Variants in OSTN observed in about 807,000 individuals in gnomAD.
OSTN encodes osteocrin.
Under a neutral mutation model 12.0 loss-of-function variants are expected in OSTN, and 9 were observed. The ratio of observed to expected loss-of-function variants is 0.75; its 90% confidence interval spans 0.45 to 1.30. OSTN has a LOEUF of 1.30. OSTN is among the 50% of genes most tolerant of loss of function. The probability of loss-of-function intolerance (pLI) is 0.00; values close to 1 mark genes in which losing one functional copy is unlikely to be tolerated. For missense variants in OSTN, 148 were observed against 152.3 expected (o/e 0.97, Z 0.15); for synonymous variants, 59 against 56.9 (o/e 1.04, Z -0.16).
At chr3:191,216,657 A>C (rs968263805) in intron 2 of OSTN, among the ~76,000 whole-genome samples, 7 of 152,214 alleles carry the variant, frequency 4.6e-5, no homozygotes, top group Admixed American at 1.3e-4. Flanking sequence ...TCTCAAGTTC[A>C]AAGTTCCACA....
chr3:191,213,705 T>C (rs527837173), intron 2 of OSTN, among the ~76,000 whole-genome samples: 2 of 152,134 alleles, frequency 1.3e-5, no homozygotes, highest in South Asian at 4.2e-4. Context: ...TCTTTGTGTT[T>C]CTTAAATAGC....
chr3:191,202,608 G>T (rs1352044708), intron 1 of OSTN, among the ~76,000 whole-genome samples: 1 of 152,110 alleles, frequency 6.6e-6, no homozygotes, highest in African/African-American at 2.4e-5. Flanking sequence ...TTTTATATAA[G>T]TACAAAGTGG....
chr3:191,229,759 T>G (rs1715002435), intron 3 of OSTN: 1 of 152,036 alleles, frequency 6.6e-6, no homozygotes, highest in African/African-American at 2.4e-5. Flanking sequence ...AAAAGAGAAA[T>G]AATTACCATT....
chr3:191,241,610 T>C (rs1715324197), intron 3 of OSTN, among the ~76,000 whole-genome samples: 1 of 152,102 alleles, frequency 6.6e-6, no homozygotes, highest in African/African-American at 2.4e-5. Context: ...TTCTTGGAAC[T>C]CGAAACTATA....
Position 191,216,058 on chromosome 3 carries a change from A to G in OSTN, c.103-2689A>G, listed in dbSNP as rs12107199. Among the ~76,000 whole-genome samples the G allele has an allele frequency of 1.0e-2, 1,518 of 152,296 alleles. 28 individuals carry two copies. The highest frequency in any genetic ancestry group is 0.035 in the African/African-American group (1,453 of 41,544). ...TCTGCCTGTACATCCAGGTATTTCCATACATCCTCTGAAATCAAGGCAGAG... is the reference window on the plus strand; with the variant it reads ...TCTGCCTGTACATCCAGGTATTTCCGTACATCCTCTGAAATCAAGGCAGAG... On this transcript the variant is annotated intron_variant, in intron 2 of 4. Transcript: ENST00000682035.
intron 1 of OSTN, among the ~76,000 whole-genome samples, chr3:191,203,956 C>T (rs1243769799): frequency 1.3e-5 from 2 of 152,118 alleles, no homozygotes; most frequent in Non-Finnish European, 2.9e-5. Context: ...GGCGCAATCT[C>T]GGCTCACTGC....
chr3:191,230,557 C>T (rs1274209659), intron 3 of OSTN, among the ~76,000 whole-genome samples: 36 of 119,940 alleles, frequency 3.0e-4, no homozygotes, highest in African/African-American at 1.2e-3. Context: ...AGCAAGACTC[C>T]GTCTCAAAAA....
intron 3 of OSTN, among the ~76,000 whole-genome samples, chr3:191,236,324 G>A (rs1219514101): frequency 6.6e-6 from 1 of 152,068 alleles, no homozygotes; most frequent in Non-Finnish European, 1.5e-5. Flanking sequence ...TAAGAAGGAG[G>A]TATTGTTACC....
rs748422594 is a variant in OSTN at position 191,212,593 on chromosome 3, A to C, written c.61A>C (p.Ser21Arg). 6.3e-7 allele frequency: 1 copy of C among 1,590,920 alleles called. No homozygotes were observed. The highest frequency in any genetic ancestry group is 1.1e-5 in the South Asian group (1 of 87,426). Residue 21 changes from serine (S) to arginine (R), a missense_variant, in exon 2 of 5, where the codon AGC (serine) becomes CGC (arginine). Physicochemically the swap from Ser to Arg is moderately radical, Grantham distance 110. Coordinates refer to ENST00000682035, the MANE Select transcript of OSTN (RefSeq NM_198184.2). ...CCTGGCTGTGACACTGACACTGTGG[A>C]GCTCAGGAAAAGTCCTCTCAGTAGA... ...FILAVTLTLW[S>R]SGKVLSVDVT...
intron 1 of OSTN, among the ~76,000 whole-genome samples, chr3:191,209,664 T>A (rs1035126323): frequency 2.0e-5 from 3 of 152,256 alleles, no homozygotes; most frequent in Non-Finnish European, 4.4e-5. Flanking sequence ...ATTTTAAGTC[T>A]TAACTGACAT....
chr3:191,211,716 AT>A (rs1321683715), intron 1 of OSTN, among the ~76,000 whole-genome samples: 8 of 151,998 alleles, frequency 5.3e-5, no homozygotes, highest in Admixed American at 5.2e-4. Context: ...TTCTATTTTT[AT>A]TTGAATTAAA....
intron 3 of OSTN, among the ~76,000 whole-genome samples, chr3:191,221,289 CAG>C (rs1425926102): frequency 6.6e-6 from 1 of 152,038 alleles, no homozygotes; most frequent in South Asian, 2.1e-4. Context: ...ACAGGTACCA[CAG>C]AGAGTGGGGT....
At chr3:191,215,402 CA>C (rs755196311) in intron 2 of OSTN, among the ~76,000 whole-genome samples, 15 of 152,160 alleles carry the variant, frequency 9.9e-5, no homozygotes, top group Middle Eastern at 3.2e-3. Flanking sequence ...CCTCACATTT[CA>C]AAACACAATC....
chr3:191,244,848 A>G (rs1257380477), intron 3 of OSTN, among the ~76,000 whole-genome samples: 1 of 151,786 alleles, frequency 6.6e-6, no homozygotes, highest in Non-Finnish European at 1.5e-5. Context: ...CCAGATATCT[A>G]TAAGCATTTG....
chr3:191,215,078 A>T (rs1236848280), intron 2 of OSTN, among the ~76,000 whole-genome samples: 1 of 152,242 alleles, frequency 6.6e-6, no homozygotes, highest in Non-Finnish European at 1.5e-5. Context: ...TAATTGACTT[A>T]TAGTTCTGCA....
chr3:191,244,224 C>G (rs1044827622), intron 3 of OSTN, among the ~76,000 whole-genome samples: 1 of 151,864 alleles, frequency 6.6e-6, no homozygotes. Flanking sequence ...ATGGAGTTAT[C>G]CAAGATTATA....
intron 3 of OSTN, among the ~76,000 whole-genome samples, chr3:191,227,655 A>T (rs1446688093): frequency 6.6e-6 from 1 of 152,194 alleles, no homozygotes; most frequent in Non-Finnish European, 1.5e-5. Context: ...TCTTAAAGGC[A>T]GTTTGTCGTT....
At chr3:191,229,843 T>G (rs2108540112) in intron 3 of OSTN, 1 of 152,142 alleles carries the variant, frequency 6.6e-6, no homozygotes, top group Non-Finnish European at 1.5e-5. Flanking sequence ...GGCGGGTGGA[T>G]CGCTTGAGGT....
At chr3:191,215,412 T>A (rs1167746583) in intron 2 of OSTN, among the ~76,000 whole-genome samples, 1 of 152,168 alleles carries the variant, frequency 6.6e-6, no homozygotes, top group Non-Finnish European at 1.5e-5. Context: ...CAAAACACAA[T>A]CATGCCTTCC....
Sources: allele counts gnomAD v4.1 joint callset (sites outside exome capture counted in the v4.1 genomes callset), GRCh38; gene constraint gnomAD v4.1.1; transcripts MANE v1.5; gene names NCBI Gene and HGNC (gene_info 2026-07-23, HGNC 2026-07-21).